Variants in TFCP2L1 observed in about 807,000 individuals in gnomAD.
The protein encoded by TFCP2L1 is transcription factor CP2-like protein 1.
A neutral mutation model predicts 72.2 loss-of-function variants in TFCP2L1; 12 were observed. The observed-to-expected ratio is 0.17, with a 90% confidence interval of 0.11 to 0.27. The LOEUF (loss-of-function observed/expected upper bound fraction) is 0.27, where lower values mean the gene tolerates loss of function less well. TFCP2L1 is among the 10% of genes least tolerant of loss of function. The probability of loss-of-function intolerance (pLI) is 1.00; values close to 1 mark genes in which losing one functional copy is unlikely to be tolerated. For missense variants in TFCP2L1, 488 were observed against 624.6 expected, an observed-to-expected ratio of 0.78 and a Z score of 2.33; for synonymous variants, 260 against 251.0, an observed-to-expected ratio of 1.04 and a Z score of -0.34.
intron 2 of TFCP2L1, among the ~76,000 whole-genome samples, chr2:121,270,383 C>T (rs554613764): frequency 4.5e-4 from 69 of 152,276 alleles, no homozygotes; most frequent in South Asian, 6.2e-4. Context: ...TTATTGTTCA[C>T]AAAGTACAAA....
Position 121,220,568 on chromosome 2 carries a change from G to T in TFCP2L1, c.*3773C>A, listed in dbSNP as rs556780132. 3.3e-5 allele frequency: 5 copies of T among 152,322 alleles called. No homozygotes were observed. The highest frequency in any genetic ancestry group is 1.2e-4 in the African/African-American group (5 of 41,562). The allele number at this position is 152,322 out of a possible 1,614,324, so 9.4% of individuals were successfully genotyped here. On this transcript the variant is annotated 3_prime_UTR_variant, in exon 15 of 15. Transcript: ENST00000263707. ...ATGTGTCTGTCTTATTTCCCTCTGG[G>T]GTTCACTGTAAAAAGAAGCTACAGT...
At chr2:121,255,357 T>C (rs1187943889) in intron 2 of TFCP2L1, among the ~76,000 whole-genome samples, 2 of 151,874 alleles carry the variant, frequency 1.3e-5, no homozygotes, top group Admixed American at 6.6e-5. Flanking sequence ...AATTTAGGAA[T>C]TGTAAAATGT....
At chr2:121,224,789 T>C (rs550299383) in intron 14 of TFCP2L1, among the ~76,000 whole-genome samples, 1 of 152,208 alleles carries the variant, frequency 6.6e-6, no homozygotes, top group South Asian at 2.1e-4. Context: ...AAGACCATCC[T>C]GGCTAACACA....
intron 6 of TFCP2L1, among the ~76,000 whole-genome samples, 187 bp from the exon 7 acceptor site, chr2:121,242,656 C>T (rs1026781351): frequency 2.0e-5 from 3 of 152,258 alleles, no homozygotes; most frequent in Admixed American, 6.5e-5. Flanking sequence ...GAACCTGCCA[C>T]GGGTCATGCA....
chr2:121,262,884 T>C (rs1686853373), intron 2 of TFCP2L1, among the ~76,000 whole-genome samples: 1 of 152,136 alleles, frequency 6.6e-6, no homozygotes, highest in Non-Finnish European at 1.5e-5. Context: ...TTTTAAATTG[T>C]TTGATTTGCT....
intron 2 of TFCP2L1, among the ~76,000 whole-genome samples, chr2:121,253,127 C>T (rs751190122): frequency 3.3e-5 from 5 of 152,256 alleles, no homozygotes; most frequent in Admixed American, 1.3e-4. Context: ...AGCTCCCCAC[C>T]GGCCATGACA....
At chr2:121,236,385 A>C (rs969852978) in intron 10 of TFCP2L1, among the ~76,000 whole-genome samples, 52 of 152,236 alleles carry the variant, frequency 3.4e-4, no homozygotes, top group African/African-American at 1.2e-3. Context: ...GCCCACAGTT[A>C]AAGGAACATA....
At chr2:121,235,074 A>G in intron 11 of TFCP2L1, 147 bp downstream of exon 11, 1 of 780,148 alleles carries the variant, frequency 1.3e-6, no homozygotes, top group Non-Finnish European at 2.1e-6. Context: ...CTCTTGCCAC[A>G]TTTCCTCCTA....
chr2:121,274,599 T>C (rs1687109535), intron 2 of TFCP2L1, among the ~76,000 whole-genome samples: 1 of 152,104 alleles, frequency 6.6e-6, no homozygotes, highest in South Asian at 2.1e-4. Flanking sequence ...AAATTCAAAA[T>C]CCAAAATACT....
In TFCP2L1 at chr2:121,239,611, G is replaced by A. The variant is rs779140067; in HGVS notation, c.807C>T (p.Ser269=). 19 of 1,614,192 alleles carry A rather than the reference G, an allele frequency of 1.2e-5. No individual in the cohort carries two copies. The highest frequency in any genetic ancestry group is 1.6e-4 in the Middle Eastern group (1 of 6,062). ...PWPDVAYQVN[S]APSPSYNGSP... is the part of the protein sequence containing the mutation. Reference sequence around the variant, plus strand: ...AACCATTGTAGCTTGGGGACGGGGCGCTGTTCACCTGGTAGGCCACGTCGG... The same window carrying A: ...AACCATTGTAGCTTGGGGACGGGGCACTGTTCACCTGGTAGGCCACGTCGG... Residue 269 remains serine, a synonymous_variant, in exon 8 of 15, where the codon AGC becomes AGT. Coordinates refer to ENST00000263707, the MANE Select transcript of TFCP2L1 (RefSeq NM_014553.3).
chr2:121,228,389 C>A (rs1487461621), intron 13 of TFCP2L1, among the ~76,000 whole-genome samples: 1 of 151,798 alleles, frequency 6.6e-6, no homozygotes, highest in Non-Finnish European at 1.5e-5. Flanking sequence ...ACCTTCCTGG[C>A]TATTCTAAAG....
chr2:121,251,497 A>C (rs1270941412), intron 2 of TFCP2L1, among the ~76,000 whole-genome samples: 1 of 152,230 alleles, frequency 6.6e-6, no homozygotes, highest in African/African-American at 2.4e-5. Context: ...CAAATATCAA[A>C]ACAAGTTATC....
At chr2:121,228,248 T>C (rs560226814) in intron 13 of TFCP2L1, among the ~76,000 whole-genome samples, 24 of 152,338 alleles carry the variant, frequency 1.6e-4, no homozygotes, top group Admixed American at 1.6e-3. Flanking sequence ...GGAACTGCCT[T>C]CAGGGACCCG....
At chr2:121,263,552 C>G (rs565238424) in intron 2 of TFCP2L1, among the ~76,000 whole-genome samples, 4 of 144,750 alleles carry the variant, frequency 2.8e-5, no homozygotes, top group African/African-American at 1.0e-4. Context: ...AGAAATCAGA[C>G]AAATACAAAT....
At chr2:121,242,325 T>C (rs759205808) in intron 7 of TFCP2L1, 34 bp downstream of exon 7, 1 of 1,591,954 alleles carries the variant, frequency 6.3e-7, no homozygotes, top group Non-Finnish European at 8.6e-7. Flanking sequence ...TGGAAGACCC[T>C]TGGAGGCTCT....
intron 2 of TFCP2L1, among the ~76,000 whole-genome samples, chr2:121,255,647 A>T (rs1032381225): frequency 3.9e-5 from 6 of 152,114 alleles, no homozygotes; most frequent in Non-Finnish European, 7.4e-5. Flanking sequence ...CCACCCCTCC[A>T]CACCTGCTGG....
chr2:121,255,253 C>T (rs1573380723), intron 2 of TFCP2L1, among the ~76,000 whole-genome samples: 2 of 152,304 alleles, frequency 1.3e-5, no homozygotes, highest in East Asian at 3.9e-4. Flanking sequence ...AGCGTAACTC[C>T]CCAAGTTAAG....
intron 1 of TFCP2L1, among the ~76,000 whole-genome samples, chr2:121,282,361 C>A (rs1434200977): frequency 8.3e-5 from 12 of 145,054 alleles, no homozygotes; most frequent in East Asian, 2.0e-4. Flanking sequence ...CATCATCCTG[C>A]GACTTAGGGA....
rs533533064 is a variant in TFCP2L1 at position 121,263,159 on chromosome 2, T to C, written c.215-13512A>G. On this transcript the variant is annotated intron_variant, in intron 2 of 14. Coordinates refer to ENST00000263707, the MANE Select transcript of TFCP2L1 (RefSeq NM_014553.3). ...CACGTTGATCAGGCTGGTCTCGAAC[T>C]TTCCGACCTCAGGTGATCTGCCTGC... Among the ~76,000 whole-genome samples, 7 of 152,254 alleles carry C rather than the reference T, an allele frequency of 4.6e-5. 1 individual carries two copies. The South Asian group carries it at 1.5e-3, about 32-fold the overall frequency.
Sources: gnomAD v4.1 joint callset for allele counts (sites outside exome capture counted in the v4.1 genomes callset) on GRCh38, gnomAD v4.1.1 for gene constraint, MANE v1.5 for transcripts, NCBI Gene and HGNC (gene_info 2026-07-23, HGNC 2026-07-21) for gene names.